Variants in NUDT5 observed in about 807,000 individuals in gnomAD.
NUDT5 encodes nudix hydrolase 5, also known as ADP-sugar pyrophosphatase.
Under a neutral mutation model 34.1 loss-of-function variants are expected in NUDT5, and 21 were observed. The ratio of observed to expected loss-of-function variants is 0.62; its 90% CI spans 0.44 to 0.89. The LOEUF is 0.89. Ranked by LOEUF, NUDT5 falls within the 40% of genes least tolerant of loss-of-function variation. NUDT5 has a pLI of 0.00. For synonymous variants in NUDT5, 85 were observed against 97.6 expected, an observed-to-expected ratio of 0.87 and a Z score of 0.76; for missense variants, 249 against 274.8, an observed-to-expected ratio of 0.91 and a Z score of 0.66.
intron 1 of NUDT5, among the ~76,000 whole-genome samples, chr10:12,190,477 C>G (rs914083301): frequency 2.6e-5 from 4 of 152,138 alleles, no homozygotes; most frequent in African/African-American, 9.7e-5. Context: ...TATGCTTGCC[C>G]TTGAGCACGT....
chr10:12,179,191 T>G (rs1835005965), intron 3 of NUDT5, 59 bp from the exon 4 acceptor site: 1 of 1,441,536 alleles, frequency 6.9e-7, no homozygotes, highest in South Asian at 1.2e-5. Flanking sequence ...TTTTCTTAGG[T>G]TTTCTCTGTA....
rs1834712082 is a variant in NUDT5, at chr10:12,166,884, A to T, written c.*818T>A. 1 of 357,202 alleles carries T rather than the reference A, an allele frequency of 2.8e-6. No individual in the cohort carries two copies. Among genetic ancestry groups the T allele is most frequent in the African/African-American group, 2.1e-5 (1 of 46,616 alleles). 22.1% of individuals were successfully genotyped at this position (357,202 alleles called of 1,614,324 possible). A position where few individuals can be genotyped will look rare whatever the true frequency, so the allele number is the denominator to read the frequency against. ...TACTTCTTGCTGTGAACTACTCTGTATTGGGTTTCAGGTACTGGCTGATCT... is the reference window on the plus strand; with the variant it reads ...TACTTCTTGCTGTGAACTACTCTGTTTTGGGTTTCAGGTACTGGCTGATCT... On this transcript the variant is annotated 3_prime_UTR_variant, in exon 10 of 10. Transcript: ENST00000491614.
intron 3 of NUDT5, chr10:12,184,381 G>C: frequency 1.1e-6 from 1 of 915,808 alleles, no homozygotes; most frequent in Non-Finnish European, 1.6e-6. Flanking sequence ...TGTTAAAACT[G>C]GGATTACTCG....
intron 5 of NUDT5, among the ~76,000 whole-genome samples, chr10:12,174,908 G>C (rs1834924713): frequency 7.3e-6 from 1 of 137,918 alleles, no homozygotes; most frequent in African/African-American, 2.6e-5. Context: ...TGAAAGGCCA[G>C]AAAGGAGCAA....
chr10:12,188,998 C>T (rs893712099), intron 1 of NUDT5, among the ~76,000 whole-genome samples: 4 of 152,194 alleles, frequency 2.6e-5, no homozygotes, highest in East Asian at 1.9e-4. Flanking sequence ...AAGTAAACCA[C>T]GTAGAAGTTT....
Position 12,170,150 on chromosome 10 carries a change from A to C in NUDT5, c.550+567T>G. 6.2e-7 allele frequency: 1 copy of C among 1,612,668 alleles called. No homozygotes were observed. Among genetic ancestry groups the C allele is most frequent in the Non-Finnish European group, 8.5e-7 (1 of 1,179,702 alleles). On this transcript the variant is annotated intron_variant, in intron 9 of 9. Coordinates refer to ENST00000491614, the MANE Select transcript of NUDT5 (RefSeq NM_014142.4). The surrounding 1 kb of genome is among the most constrained non-coding windows in gnomAD (Gnocchi z 4.9). ...TTCTCCCCATAAGCTTACTGTTTAC[A>C]AAGTCTCTAAAAGATGGGTGGCCAA...
At chr10:12,177,066 G>A (rs549414304) in intron 5 of NUDT5, among the ~76,000 whole-genome samples, 15 of 150,294 alleles carry the variant, frequency 1.0e-4, no homozygotes, top group Non-Finnish European at 2.2e-4. Context: ...AGGTTGCAGT[G>A]AGCCGAGATC....
chr10:12,170,622 A>G lies in NUDT5; in HGVS notation c.550+95T>C, dbSNP rs1461904897. 8.5e-7 allele frequency: 1 copy of G among 1,178,094 alleles called. No individual in the cohort carries two copies. The highest frequency in any genetic ancestry group is 1.3e-6 in the Non-Finnish European group (1 of 790,246). The allele number at this position is 1,178,094 out of a possible 1,614,324, so 73.0% of individuals were successfully genotyped here. On this transcript the variant is annotated intron_variant, in intron 9 of 9. Coordinates refer to ENST00000491614, the MANE Select transcript of NUDT5 (RefSeq NM_014142.4). This position sits in a 1 kb window ranked among gnomAD's most constrained non-coding sequence, Gnocchi z 4.9. ...GGCATTTGACTTTAGTGATACAAAA[A>G]AGATAAAGAAATGGAGTTATATTTA...
chr10:12,185,966 A>G (rs998318379), intron 2 of NUDT5, among the ~76,000 whole-genome samples: 3 of 152,224 alleles, frequency 2.0e-5, no homozygotes, highest in African/African-American at 7.2e-5. Flanking sequence ...TTCTTCTTCT[A>G]TCTAGGGAAA....
At position 12,184,391 on chromosome 10, in the gene NUDT5, G is replaced by A. The variant is rs545263002; in HGVS notation, c.131+498C>T. The A allele has an allele frequency of 5.9e-4, 588 of 999,180 alleles. 3 individuals carry two copies. The African/African-American group carries it at 8.7e-3, about 15-fold the overall frequency. The allele number at this position is 999,180 out of a possible 1,614,324, so 61.9% of individuals were successfully genotyped here. ...CACTTTGTTAAAACTGGGATTACTC[G>A]GTCAAAGGGTACAGTATCTTTAGGG... On this transcript the variant is annotated intron_variant, in intron 3 of 9. Coordinates refer to ENST00000491614, the MANE Select transcript of NUDT5 (RefSeq NM_014142.4).
chr10:12,174,350 T>C (rs1387001182), intron 5 of NUDT5, among the ~76,000 whole-genome samples: 1 of 150,584 alleles, frequency 6.6e-6, no homozygotes, highest in Middle Eastern at 3.2e-3. Flanking sequence ...CACTGCAACC[T>C]CTGCCTCCTG....
At chr10:12,174,557 A>G (rs528616739) in intron 5 of NUDT5, among the ~76,000 whole-genome samples, 2 of 152,272 alleles carry the variant, frequency 1.3e-5, no homozygotes, top group Middle Eastern at 3.4e-3. Context: ...GATTACAGGC[A>G]TGAGCCACTG....
At position 12,168,141 on chromosome 10, in the gene NUDT5, C is replaced by T. The variant is rs1482565158; in HGVS notation, c.551-330G>A. ...CTGGGTTTAAGCGATTCTCCTGCCT[C>T]AGCCTCCCCAGTAGCTGGGACTATA... On this transcript the variant is annotated intron_variant, in intron 9 of 9. Coordinates refer to ENST00000491614, the MANE Select transcript of NUDT5 (RefSeq NM_014142.4). The surrounding 1 kb of genome is among the most constrained non-coding windows in gnomAD (Gnocchi z 4.8). Among the ~76,000 whole-genome samples the T allele has an allele frequency of 1.3e-5, 2 of 152,010 alleles. No individual in the cohort carries two copies. The highest frequency in any genetic ancestry group is 2.9e-5 in the Non-Finnish European group (2 of 68,010).
In NUDT5 at chr10:12,168,055, C is replaced by T. The variant is rs924304567; in HGVS notation, c.551-244G>A. 2.0e-4 allele frequency among the ~76,000 whole-genome samples: 30 copies of T among 149,990 alleles called. No homozygotes were observed. The highest frequency in any genetic ancestry group is 6.7e-4 in the African/African-American group (27 of 40,588). On this transcript the variant is annotated intron_variant, in intron 9 of 9. Coordinates refer to ENST00000491614, the MANE Select transcript of NUDT5 (RefSeq NM_014142.4). This position sits in a 1 kb window ranked among gnomAD's most constrained non-coding sequence, Gnocchi z 4.8. ...TTTTTTTTTTTTGGTGAGACAGTCTCGCTCTGTTGCCCAAGCTAGAGGGCA... is the reference window on the plus strand; with the variant it reads ...TTTTTTTTTTTTGGTGAGACAGTCTTGCTCTGTTGCCCAAGCTAGAGGGCA...
chr10:12,177,042 A>G (rs1834961895), intron 5 of NUDT5, among the ~76,000 whole-genome samples: 1 of 151,698 alleles, frequency 6.6e-6, no homozygotes, highest in South Asian at 2.1e-4. Flanking sequence ...GAATCGCTTG[A>G]ACCCAGGAGG....
At position 12,171,044 on chromosome 10, in the gene NUDT5, T is replaced by C; in HGVS notation, c.488-136A>G. ...TTTCTGCTAACTTAATTTATATACA[T>C]TGTCAAACTCGAGCAGTATGAAGTT... On this transcript the variant is annotated intron_variant, in intron 7 of 9. Coordinates refer to ENST00000491614, the MANE Select transcript of NUDT5 (RefSeq NM_014142.4). The surrounding 1 kb of genome is among the most constrained non-coding windows in gnomAD (Gnocchi z 4.2). 2.3e-6 allele frequency: 2 copies of C among 885,396 alleles called. No individual in the cohort carries two copies. Among genetic ancestry groups the C allele is most frequent in the Non-Finnish European group, 3.5e-6 (2 of 569,782 alleles). 54.8% of individuals were successfully genotyped at this position (885,396 alleles called of 1,614,324 possible).
intron 1 of NUDT5, among the ~76,000 whole-genome samples, chr10:12,190,898 C>A (rs1341389953): frequency 6.6e-6 from 1 of 152,012 alleles, no homozygotes; most frequent in East Asian, 1.9e-4. Context: ...GGTGAGCCAT[C>A]ACACCCAGCC....
intron 2 of NUDT5, 34 bp downstream of exon 2, chr10:12,186,195 G>A (rs1564426659): frequency 1.4e-6 from 2 of 1,452,926 alleles, no homozygotes; most frequent in African/African-American, 2.8e-5. Context: ...GATTTATGTG[G>A]GGGAGGGAAG....
At position 12,166,621 on chromosome 10, in the gene NUDT5, G is replaced by C. The variant is rs912307766; in HGVS notation, c.*1081C>G. The C allele has an allele frequency of 4.8e-6, 2 of 420,788 alleles. No individual in the cohort carries two copies. The highest frequency in any genetic ancestry group is 3.0e-5 in the Admixed American group (1 of 33,350). The allele number at this position is 420,788 out of a possible 1,614,324, so 26.1% of individuals were successfully genotyped here. ...GGAGAGCCCTTTCATATGGTTCTCA[G>C]GGCCTGGCTTACCCGCTGGAGCCAG... is the stretch of plus-strand genomic sequence containing the variant. On this transcript the variant is annotated 3_prime_UTR_variant, in exon 10 of 10. Coordinates refer to ENST00000491614, the MANE Select transcript of NUDT5 (RefSeq NM_014142.4).
Sources: allele counts gnomAD v4.1 joint callset (sites outside exome capture counted in the v4.1 genomes callset), GRCh38; gene constraint gnomAD v4.1.1; non-coding constraint Gnocchi (gnomAD v3.1); transcripts MANE v1.5; gene names NCBI Gene and HGNC (gene_info 2026-07-23, HGNC 2026-07-21).